The following GINM1 variants were observed in gnomAD, a reference collection of about 807,000 sequenced individuals.
GINM1 encodes glycoprotein integral membrane protein 1.
Under a neutral mutation model 37.8 loss-of-function variants are expected in GINM1, and 29 were observed. The ratio of observed to expected loss-of-function variants is 0.77; its 90% CI spans 0.57 to 1.05. The LOEUF (loss-of-function observed/expected upper bound fraction) is 1.05. GINM1 is among the 50% of genes least tolerant of loss of function. The probability of loss-of-function intolerance (pLI) is 0.00; values close to 1 mark genes in which losing one functional copy is unlikely to be tolerated. For synonymous variants in GINM1, 143 were observed against 146.2 expected, an observed-to-expected ratio of 0.98 and a Z score of 0.16; for missense variants, 377 against 397.9, an observed-to-expected ratio of 0.95 and a Z score of 0.45.
At chr6:149,568,287 C>A (rs1053005856) in intron 1 of GINM1, among the ~76,000 whole-genome samples, 1 of 152,238 alleles carries the variant, frequency 6.6e-6, no homozygotes, top group Non-Finnish European at 1.5e-5. Context: ...GAGTGCTGAA[C>A]AACTAGAAAG....
chr6:149,568,282 C>A (rs1295061653), intron 1 of GINM1, among the ~76,000 whole-genome samples: 1 of 152,226 alleles, frequency 6.6e-6, no homozygotes, highest in African/African-American at 2.4e-5. Context: ...TAAATGAGTG[C>A]TGAACAACTA....
rs1420818558 is a variant in GINM1, at chr6:149,591,680, A to G, written c.*842A>G. 1 of 151,954 alleles carries G rather than the reference A, an allele frequency of 6.6e-6. No individual in the cohort carries two copies. The highest frequency in any genetic ancestry group is 1.5e-5 in the Non-Finnish European group (1 of 68,008). The allele number at this position is 151,954 out of a possible 1,614,324, so 9.4% of individuals were successfully genotyped here. ...AAGACTACTTACCTTGAATGCTCCA[A>G]GATTTAAAAGTAGTATGACATGTTC... On this transcript the variant is annotated 3_prime_UTR_variant, in exon 8 of 8. Coordinates refer to ENST00000367419, the MANE Select transcript of GINM1 (RefSeq NM_138785.5).
chr6:149,580,943 G>C (rs1777990208), intron 6 of GINM1, among the ~76,000 whole-genome samples: 2 of 152,108 alleles, frequency 1.3e-5, no homozygotes, highest in South Asian at 4.1e-4. Flanking sequence ...TCAAGGTGCT[G>C]GATTTCATTT....
At position 149,573,824 on chromosome 6, in the gene GINM1, C is replaced by CA. The variant is rs879422654; in HGVS notation, c.277+1234dup. 5.1e-3 allele frequency among the ~76,000 whole-genome samples: 650 copies of CA among 126,894 alleles called. 3 individuals are homozygous for CA. Among genetic ancestry groups the CA allele is most frequent in the East Asian group, 0.021 (93 of 4,524 alleles). 83.2% of individuals were successfully genotyped at this position (126,894 alleles called of 152,430 possible). A position where few individuals can be genotyped will look rare whatever the true frequency, so the allele number is the denominator to read the frequency against. On this transcript the variant is annotated intron_variant, in intron 3 of 7. Transcript: ENST00000367419. ...TGGGCAACAGAGTAAGACCCTGGCT[C>CA]AAAAAAAAAAAAATGTGCATAAAGG... is the stretch of plus-strand genomic sequence containing the variant.
intron 3 of GINM1, among the ~76,000 whole-genome samples, chr6:149,574,046 GA>G (rs1162690996): frequency 3.2e-5 from 4 of 126,344 alleles, no homozygotes; most frequent in African/African-American, 9.8e-5. Flanking sequence ...ATATACATAG[GA>G]TTTTTTTTTT....
Position 149,586,662 on chromosome 6 carries a change from G to A in GINM1, c.881+4059G>A, listed in dbSNP as rs559036014. Among the ~76,000 whole-genome samples the A allele has an allele frequency of 5.9e-5, 9 of 152,268 alleles. No individual in the cohort carries two copies. In the South Asian group the frequency reaches 1.9e-3, roughly 32 times the overall value. ...TTTGCTCACCAACCCAGGGACCTCA[G>A]TGCAGTTTGGGAACCATAGACCTAA... On this transcript the variant is annotated intron_variant, in intron 7 of 7. Transcript: ENST00000367419.
At chr6:149,584,826 TAG>T (rs138596800) in intron 7 of GINM1, among the ~76,000 whole-genome samples, 51 of 148,086 alleles carry the variant, frequency 3.4e-4, no homozygotes, top group Admixed American at 3.4e-4. Flanking sequence ...TATATATATA[TAG>T]AGAGAGAGAG....
chr6:149,570,116 G>T (rs1777787219), intron 1 of GINM1, among the ~76,000 whole-genome samples: 1 of 108,648 alleles, frequency 9.2e-6, no homozygotes, highest in Non-Finnish European at 1.8e-5. Flanking sequence ...TTCAAACTCT[G>T]TAATTTTACT....
Position 149,566,598 on chromosome 6 carries a change from C to T in GINM1, c.120+64C>T, listed in dbSNP as rs1230544679. On this transcript the variant is annotated intron_variant, in intron 1 of 7. Coordinates refer to ENST00000367419, the MANE Select transcript of GINM1 (RefSeq NM_138785.5). The surrounding 1 kb of genome is among the most constrained non-coding windows in gnomAD (Gnocchi z 4.4). Reference sequence around the variant, plus strand: ...CGACTCTCCGGGAGGCCCGGGCTGTCCACAGTGACGCTTCCCACATCCCAC... The same window carrying T: ...CGACTCTCCGGGAGGCCCGGGCTGTTCACAGTGACGCTTCCCACATCCCAC... 2.8e-6 allele frequency: 4 copies of T among 1,403,718 alleles called. No homozygotes were observed. The highest frequency in any genetic ancestry group is 3.7e-6 in the Non-Finnish European group (4 of 1,077,482). 87.0% of individuals were successfully genotyped at this position (1,403,718 alleles called of 1,614,324 possible).
intron 3 of GINM1, among the ~76,000 whole-genome samples, chr6:149,574,306 C>T (rs1000598115): frequency 5.3e-5 from 8 of 152,176 alleles, no homozygotes; most frequent in Non-Finnish European, 8.8e-5. Flanking sequence ...CCTGCCTCGG[C>T]CTCCCAAAGT....
intron 3 of GINM1, among the ~76,000 whole-genome samples, chr6:149,575,146 A>G (rs1277379444): frequency 2.0e-5 from 3 of 152,152 alleles, no homozygotes; most frequent in African/African-American, 7.2e-5. Flanking sequence ...TGGAATTTCA[A>G]GTTCCAAAAT....
chr6:149,573,721 A>G (rs1777866061), intron 3 of GINM1, among the ~76,000 whole-genome samples: 1 of 151,804 alleles, frequency 6.6e-6, no homozygotes, highest in Non-Finnish European at 1.5e-5. Context: ...ACAAAAATAA[A>G]TTAGCTGGGT....
rs773349705 is a variant in GINM1, at chr6:149,582,530, A to G, written c.808A>G (p.Met270Val). The G allele has an allele frequency of 1.9e-6, 3 of 1,612,466 alleles. No homozygotes were observed. Among genetic ancestry groups the G allele is most frequent in the African/African-American group, 1.3e-5 (1 of 74,876 alleles). Residue 270 changes from methionine (M) to valine (V), a missense_variant, in exon 7 of 8, where the codon ATG becomes GTG. By Grantham distance (21) the Met-to-Val change is conservative (BLOSUM62 1). Coordinates refer to ENST00000367419, the MANE Select transcript of GINM1 (RefSeq NM_138785.5). Reference sequence around the variant, plus strand: ...AGTATTCTTTCAGTTTTTGAACATCATGGTGGTTGGAATTACAGGAGCAGC... The same window carrying G: ...AGTATTCTTTCAGTTTTTGAACATCGTGGTGGTTGGAATTACAGGAGCAGC... ...FPVFFQFLNI[M>V]VVGITGAAVV... is the part of the protein sequence containing the mutation.
chr6:149,570,190 A>ATATATATG (rs1777795909), intron 1 of GINM1, among the ~76,000 whole-genome samples: 1 of 92,146 alleles, frequency 1.1e-5, no homozygotes, highest in Non-Finnish European at 2.2e-5. Flanking sequence ...ATATATATAT[A>ATATATATG]TATATATAAA....
intron 3 of GINM1, 36 bp from the exon 4 acceptor site, chr6:149,578,786 C>CT (rs1355898767): frequency 1.4e-6 from 2 of 1,412,024 alleles, no homozygotes; most frequent in Middle Eastern, 1.9e-4. Context: ...TGGTGGTAAT[C>CT]TTTGTTCAAA....
intron 5 of GINM1, among the ~76,000 whole-genome samples, chr6:149,580,277 T>C (rs996480087): frequency 6.6e-6 from 1 of 152,224 alleles, no homozygotes; most frequent in African/African-American, 2.4e-5. Flanking sequence ...CTCTGGGTAC[T>C]GATCACAAAA....
intron 3 of GINM1, chr6:149,578,195 A>G (rs897898875): frequency 3.3e-5 from 5 of 152,226 alleles, no homozygotes; most frequent in African/African-American, 1.2e-4. Context: ...TAGTTGTGCC[A>G]TGTTGGTTCC....
chr6:149,570,160 AT>A lies in GINM1; in HGVS notation c.121-2124del, dbSNP rs1562269802. 2.4e-3 allele frequency among the ~76,000 whole-genome samples: 156 copies of A among 64,498 alleles called. 10 individuals carry two copies. The highest frequency in any genetic ancestry group is 0.01 in the African/African-American group (146 of 14,156). 42.3% of individuals were successfully genotyped at this position (64,498 alleles called of 152,430 possible). ...TTTATATATATATATATATATATAT[AT>A]ATATATATATATATATATATATATA... On this transcript the variant is annotated intron_variant, in intron 1 of 7. Transcript: ENST00000367419.
chr6:149,569,394 A>G (rs1777774539), intron 1 of GINM1, among the ~76,000 whole-genome samples: 1 of 143,718 alleles, frequency 7.0e-6, no homozygotes, highest in South Asian at 2.2e-4. Flanking sequence ...TGCACAGTGC[A>G]GTGGTGCAAT....
Sources: allele counts gnomAD v4.1 joint callset (sites outside exome capture counted in the v4.1 genomes callset), GRCh38; gene constraint gnomAD v4.1.1; non-coding constraint Gnocchi (gnomAD v3.1); transcripts MANE v1.5; gene names NCBI Gene and HGNC (gene_info 2026-07-23, HGNC 2026-07-21).